UBE2D2: variants seen among roughly 807,000 people sequenced by gnomAD.
UBE2D2 encodes ubiquitin-conjugating enzyme E2 D2.
A neutral mutation model predicts 24.2 loss-of-function variants in UBE2D2; 2 were observed. That is an observed-to-expected ratio of 0.08 (90% CI 0.03 to 0.26). The LOEUF (loss-of-function observed/expected upper bound fraction) is 0.26, where lower values mean the gene tolerates loss of function less well. UBE2D2 is among the 10% of genes least tolerant of loss of function. The probability of loss-of-function intolerance (pLI) is 1.00; values close to 1 mark genes in which losing one functional copy is unlikely to be tolerated. For missense variants in UBE2D2, 44 were observed against 177.6 expected (o/e 0.25, Z 4.28); for synonymous variants, 58 against 56.5 (o/e 1.03, Z -0.12).
At chr5:139,552,303 C>T (rs926185819) in intron 1 of UBE2D2, among the ~76,000 whole-genome samples, 1 of 151,696 alleles carries the variant, frequency 6.6e-6, no homozygotes, top group Non-Finnish European at 1.5e-5. Context: ...GCTGGGATTA[C>T]AGGTGTGCAC....
At chr5:139,604,258 A>T (rs1754147659) in intron 2 of UBE2D2, among the ~76,000 whole-genome samples, 1 of 149,980 alleles carries the variant, frequency 6.7e-6, no homozygotes, top group African/African-American at 2.5e-5. Context: ...CTCCTGCCTC[A>T]GCCTCCCGAG....
At chr5:139,601,724 A>ATGG (rs1244566766) in intron 2 of UBE2D2, among the ~76,000 whole-genome samples, 1 of 151,982 alleles carries the variant, frequency 6.6e-6, no homozygotes, top group Non-Finnish European at 1.5e-5. Context: ...CCTGGCCAAG[A>ATGG]TGGTGAAACC....
upstream of UBE2D2, among the ~76,000 whole-genome samples, chr5:139,560,655 C>T (rs181697835): frequency 1.6e-4 from 24 of 152,264 alleles, no homozygotes; most frequent in East Asian, 4.4e-3. Flanking sequence ...ATTTGGGGCA[C>T]ACACTGTGAT....
intron 1 of UBE2D2, among the ~76,000 whole-genome samples, chr5:139,577,173 C>G (rs1365597570): frequency 1.3e-5 from 2 of 151,954 alleles, no homozygotes; most frequent in African/African-American, 4.8e-5. Flanking sequence ...ATTTGTAAAA[C>G]AGAAACTTAA....
intron 1 of UBE2D2, among the ~76,000 whole-genome samples, chr5:139,594,440 C>T (rs1753917243): frequency 6.6e-6 from 1 of 151,708 alleles, no homozygotes; most frequent in African/African-American, 2.4e-5. Flanking sequence ...TTTTTTGAGA[C>T]ACAGTCTCTA....
At chr5:139,581,498 G>A (rs1035929847) in intron 1 of UBE2D2, among the ~76,000 whole-genome samples, 1 of 151,980 alleles carries the variant, frequency 6.6e-6, no homozygotes, top group Non-Finnish European at 1.5e-5. Flanking sequence ...TGCTTAGGAC[G>A]CTAAGTGTTT....
intron 1 of UBE2D2, among the ~76,000 whole-genome samples, chr5:139,544,714 C>T (rs1257213099): frequency 1.3e-5 from 2 of 151,942 alleles, no homozygotes; most frequent in African/African-American, 4.8e-5. Flanking sequence ...GTGTGCAGCT[C>T]CTTTAATTTT....
intron 1 of UBE2D2, among the ~76,000 whole-genome samples, chr5:139,541,878 C>T (rs1752766210): frequency 6.6e-6 from 1 of 151,952 alleles, no homozygotes; most frequent in Non-Finnish European, 1.5e-5. Flanking sequence ...ATGGTGAAAC[C>T]CTGTCTCTAC....
At chr5:139,563,828 T>G (rs113477832) in intron 1 of UBE2D2, among the ~76,000 whole-genome samples, 12,517 of 151,920 alleles carry the variant, frequency 0.082, 637 homozygotes, top group African/African-American at 0.12. Flanking sequence ...CCAGCTACTC[T>G]GGAGGCTGAG....
intron 1 of UBE2D2, among the ~76,000 whole-genome samples, chr5:139,583,194 C>T (rs896414024): frequency 2.0e-5 from 3 of 151,862 alleles, no homozygotes; most frequent in Non-Finnish European, 4.4e-5. Context: ...AGACTGGTCT[C>T]AAACTCCTGA....
At chr5:139,557,544 T>C (rs1383875203), upstream of UBE2D2, among the ~76,000 whole-genome samples, 2 of 152,088 alleles carry the variant, frequency 1.3e-5, no homozygotes, top group Non-Finnish European at 2.9e-5. Flanking sequence ...GGTCTGGAGT[T>C]CGAGACCAGC....
At chr5:139,579,917 C>T (rs550892863) in intron 1 of UBE2D2, among the ~76,000 whole-genome samples, 8 of 151,844 alleles carry the variant, frequency 5.3e-5, no homozygotes, top group Non-Finnish European at 8.8e-5. Flanking sequence ...CATGGTGGCA[C>T]GCGCCTGTAA....
chr5:139,614,999 A>C (rs1754393780), intron 5 of UBE2D2, 33 bp downstream of exon 5: 3 of 1,547,844 alleles, frequency 1.9e-6, no homozygotes, highest in African/African-American at 2.8e-5. Flanking sequence ...AAGATAAAGC[A>C]ACCGTGTCTT....
chr5:139,542,182 A>G (rs1490745730), intron 1 of UBE2D2, among the ~76,000 whole-genome samples: 1 of 152,160 alleles, frequency 6.6e-6, no homozygotes, highest in Admixed American at 6.6e-5. Context: ...GCGAGACTCC[A>G]TCTCAACAAC....
At position 139,626,932 on chromosome 5, in the gene UBE2D2, A is replaced by G. The variant is rs141996427; in HGVS notation, c.*131A>G. 1.1e-4 allele frequency: 74 copies of G among 699,828 alleles called. No individual in the cohort carries two copies. The East Asian group carries it at 2.0e-3, about 19-fold the overall frequency. The allele number at this position is 699,828 out of a possible 1,614,324, so 43.4% of individuals were successfully genotyped here. On this transcript the variant is annotated 3_prime_UTR_variant, in exon 7 of 7. Transcript: ENST00000398733. ...CTTCCCCTGTGCACATGTTTACCTG[A>G]TACAGCAGTGCTGCGTGTTGTACAT...
chr5:139,584,491 C>G (rs975167142), intron 1 of UBE2D2, among the ~76,000 whole-genome samples: 1 of 151,352 alleles, frequency 6.6e-6, no homozygotes, highest in Admixed American at 6.6e-5. Context: ...TCGTGTTTTA[C>G]ACATTTACCC....
intron 1 of UBE2D2, among the ~76,000 whole-genome samples, chr5:139,578,396 G>A (rs1398206294): frequency 6.6e-6 from 1 of 151,404 alleles, no homozygotes; most frequent in Non-Finnish European, 1.5e-5. Flanking sequence ...TTCTGCCTTG[G>A]CTCTGGTTGC....
At chr5:139,610,750 G>C (rs1754301322) in intron 2 of UBE2D2, among the ~76,000 whole-genome samples, 1 of 151,876 alleles carries the variant, frequency 6.6e-6, no homozygotes. Flanking sequence ...CCAGCTACTT[G>C]GGAGGCTGAG....
chr5:139,526,267 C>G (rs1752535668), upstream of UBE2D2, among the ~76,000 whole-genome samples: 2 of 152,208 alleles, frequency 1.3e-5, no homozygotes, highest in Non-Finnish European at 2.9e-5. Context: ...CAGTAGCTTG[C>G]CGATGACCCC....
Sources: allele counts gnomAD v4.1 joint callset (sites outside exome capture counted in the v4.1 genomes callset), GRCh38; gene constraint gnomAD v4.1.1; transcripts MANE v1.5; gene names NCBI Gene and HGNC (gene_info 2026-07-23, HGNC 2026-07-21).